Variants in EYA2 observed in about 807,000 individuals in gnomAD.
EYA2 encodes protein phosphatase EYA2.
EYA2 carries 31 observed loss-of-function variants against 69.2 expected under a neutral mutation model. The ratio of observed to expected loss-of-function variants is 0.45; its 90% CI spans 0.34 to 0.60. The LOEUF is 0.60. Ranked by LOEUF, EYA2 falls within the 20% of genes least tolerant of loss-of-function variation. The probability of loss-of-function intolerance (pLI) is 0.02; values close to 1 mark genes in which losing one functional copy is unlikely to be tolerated. For synonymous variants in EYA2, 257 were observed against 279.4 expected (o/e 0.92, Z 0.80); for missense variants, 622 against 701.2 (o/e 0.89, Z 1.28).
chr20:47,181,996 T>G (rs1027990475), intron 14 of EYA2, among the ~76,000 whole-genome samples: 1 of 152,122 alleles, frequency 6.6e-6, no homozygotes, highest in Admixed American at 6.6e-5. Context: ...TTAAATAATG[T>G]AAAATTTTCA....
intron 2 of EYA2, among the ~76,000 whole-genome samples, chr20:47,001,167 G>A (rs1982343698): frequency 1.3e-5 from 2 of 152,072 alleles, no homozygotes; most frequent in Admixed American, 1.3e-4. Flanking sequence ...ACTCTACTCT[G>A]ATGTTTCAAG....
rs569635626 is a variant in EYA2 at position 47,062,167 on chromosome 20, G to A, written c.416-10018G>A. On this transcript the variant is annotated intron_variant, in intron 5 of 15. Coordinates refer to ENST00000327619, the MANE Select transcript of EYA2 (RefSeq NM_005244.5). ...GAGGAATACCTGGTGCATCCTGGAC[G>A]TCCAATTGTCCACCTCGGACCACCA... Among the ~76,000 whole-genome samples the A allele has an allele frequency of 1.2e-4, 18 of 152,288 alleles. No individual in the cohort carries two copies. In the South Asian group the frequency reaches 3.5e-3, roughly 30 times the overall value.
chr20:46,952,639 C>T (rs1978873978), intron 1 of EYA2, among the ~76,000 whole-genome samples: 1 of 152,194 alleles, frequency 6.6e-6, no homozygotes, highest in Non-Finnish European at 1.5e-5. Flanking sequence ...AGGCCGCACA[C>T]AATGGAAAAG....
At chr20:46,934,392 C>T (rs917544320) in intron 1 of EYA2, among the ~76,000 whole-genome samples, 1 of 152,090 alleles carries the variant, frequency 6.6e-6, no homozygotes, top group Non-Finnish European at 1.5e-5. Flanking sequence ...TCTAGGTGTT[C>T]ATCATCCTGA....
chr20:46,899,828 G>A (rs1423394237), intron 1 of EYA2, among the ~76,000 whole-genome samples: 1 of 152,194 alleles, frequency 6.6e-6, no homozygotes, highest in African/African-American at 2.4e-5. Flanking sequence ...CTTCGTCAGC[G>A]CTGTCATCGC....
chr20:46,986,355 A>G (rs1461432667), intron 1 of EYA2, among the ~76,000 whole-genome samples: 1 of 85,340 alleles, frequency 1.2e-5, no homozygotes, highest in African/African-American at 3.8e-5. Context: ...ATATATACAC[A>G]TTAGATATAT....
chr20:47,025,735 A>G (rs781476349), intron 5 of EYA2, among the ~76,000 whole-genome samples: 10 of 152,208 alleles, frequency 6.6e-5, no homozygotes, highest in Admixed American at 1.3e-4. Flanking sequence ...TTTGGTAGAT[A>G]TCTTCAAGTT....
intron 2 of EYA2, among the ~76,000 whole-genome samples, chr20:46,993,053 G>A (rs987457301): frequency 2.6e-5 from 4 of 152,162 alleles, no homozygotes; most frequent in African/African-American, 4.8e-5. Flanking sequence ...GGAGCATGGA[G>A]CCAAGAAGCC....
At chr20:47,097,202 T>A (rs1273408078) in intron 9 of EYA2, 34 bp downstream of exon 9, 3 of 1,531,678 alleles carry the variant, frequency 2.0e-6, no homozygotes, top group Non-Finnish European at 2.7e-6. Flanking sequence ...CTCTCTTTTT[T>A]TGTTTTCAAC....
Position 46,945,116 on chromosome 20 carries a change from GA to G in EYA2, c.-10-44873del, listed in dbSNP as rs3092347. Among the ~76,000 whole-genome samples, 402 of 146,172 alleles carry G rather than the reference GA, an allele frequency of 2.8e-3. 1 individual carries two copies. Among genetic ancestry groups the G allele is most frequent in the African/African-American group, 7.4e-3 (294 of 39,634 alleles). On this transcript the variant is annotated intron_variant, in intron 1 of 15. Transcript: ENST00000327619. ...GGGTGACAGAGTGAGACCTTGTCTG[GA>G]AAAAAAAAAAAGGTTGCAGTTCGCA...
chr20:47,074,686 C>T (rs148421427), intron 7 of EYA2, among the ~76,000 whole-genome samples: 15 of 152,302 alleles, frequency 9.8e-5, no homozygotes, highest in Admixed American at 3.3e-4. Flanking sequence ...CAAGGAACAC[C>T]ACTTGGTTAA....
At chr20:47,041,691 A>T (rs1985078326) in intron 5 of EYA2, among the ~76,000 whole-genome samples, 1 of 152,176 alleles carries the variant, frequency 6.6e-6, no homozygotes, top group Non-Finnish European at 1.5e-5. Flanking sequence ...TGCAGGGATC[A>T]ATTAGTGATG....
At chr20:47,010,721 A>T (rs1983008193) in intron 4 of EYA2, among the ~76,000 whole-genome samples, 1 of 151,190 alleles carries the variant, frequency 6.6e-6, no homozygotes, top group Non-Finnish European at 1.5e-5. Context: ...AATATATATA[A>T]AATATGGAAC....
At chr20:47,174,637 A>C (rs2034393238) in intron 12 of EYA2, among the ~76,000 whole-genome samples, 1 of 152,224 alleles carries the variant, frequency 6.6e-6, no homozygotes, top group South Asian at 2.1e-4. Flanking sequence ...TCCTGGCAGT[A>C]GCTAATGTTT....
chr20:47,088,941 T>C (rs1385834759), intron 7 of EYA2, among the ~76,000 whole-genome samples: 1 of 152,220 alleles, frequency 6.6e-6, no homozygotes, highest in African/African-American at 2.4e-5. Context: ...CTTGTCGATG[T>C]GTCTGATGAC....
At chr20:46,914,668 A>AT (rs1215386908) in intron 1 of EYA2, among the ~76,000 whole-genome samples, 1 of 152,206 alleles carries the variant, frequency 6.6e-6, no homozygotes, top group African/African-American at 2.4e-5. Flanking sequence ...CCGTGATTCA[A>AT]TTATCTCCAC....
chr20:47,112,015 C>G (rs2032759182), intron 9 of EYA2, among the ~76,000 whole-genome samples: 1 of 151,926 alleles, frequency 6.6e-6, no homozygotes, highest in South Asian at 2.1e-4. Context: ...GTGGTGTGCA[C>G]CTGTAGTCCT....
chr20:47,156,826 AGAG>A (rs908925385), intron 10 of EYA2, among the ~76,000 whole-genome samples: 1 of 151,960 alleles, frequency 6.6e-6, no homozygotes, highest in South Asian at 2.1e-4. Flanking sequence ...TACCTGCCTC[AGAG>A]GAGAAGGAGC....
intron 7 of EYA2, among the ~76,000 whole-genome samples, chr20:47,079,893 A>G (rs2031651217): frequency 6.6e-6 from 1 of 152,224 alleles, no homozygotes; most frequent in Non-Finnish European, 1.5e-5. Context: ...CTCATATTCC[A>G]TAAGGAATTT....
Sources: gnomAD v4.1 joint callset for allele counts (sites outside exome capture counted in the v4.1 genomes callset) on GRCh38, gnomAD v4.1.1 for gene constraint, MANE v1.5 for transcripts, NCBI Gene and HGNC (gene_info 2026-07-23, HGNC 2026-07-21) for gene names.